The following ACTR1A variants were observed in gnomAD, a reference collection of about 807,000 sequenced individuals.
ACTR1A encodes alpha-centractin.
A neutral mutation model predicts 50.7 loss-of-function variants in ACTR1A; 10 were observed. The ratio of observed to expected loss-of-function variants is 0.20; its 90% CI spans 0.12 to 0.33. The LOEUF is 0.33. Among genes scored for constraint, ACTR1A ranks in the 10% least tolerant of loss-of-function variants. ACTR1A has a pLI of 1.00. For missense variants in ACTR1A, 253 were observed against 491.7 expected, an observed-to-expected ratio of 0.51 and a Z score of 4.59; for synonymous variants, 177 against 184.2, an observed-to-expected ratio of 0.96 and a Z score of 0.32.
At position 102,479,294 on chromosome 10, in the gene ACTR1A, G is replaced by A. The variant is rs1475151662; in HGVS notation, c.*1569C>T. ...CCCCACCAGGCAATGTGGTTTGTGC[G>A]AGGCTGTGCGAGGGACAGGCTTGGG... On this transcript the variant is annotated 3_prime_UTR_variant, in exon 11 of 11. Coordinates refer to ENST00000369905, the MANE Select transcript of ACTR1A (RefSeq NM_005736.4). This position sits in a 1 kb window ranked among gnomAD's most constrained non-coding sequence, Gnocchi z 4.0. 4.5e-6 allele frequency: 2 copies of A among 443,388 alleles called. No individual in the cohort carries two copies. The highest frequency in any genetic ancestry group is 8.1e-6 in the Non-Finnish European group (2 of 247,284). The allele number at this position is 443,388 out of a possible 1,614,324, so 27.5% of individuals were successfully genotyped here.
chr10:102,491,932 ATTTTT>A (rs558164702), intron 1 of ACTR1A, among the ~76,000 whole-genome samples: 1 of 134,536 alleles, frequency 7.4e-6, no homozygotes, highest in African/African-American at 2.8e-5. Context: ...TGCCTGGCTA[ATTTTT>A]TTTTTTTTTT....
At chr10:102,496,622 C>T (rs2062223763) in intron 1 of ACTR1A, among the ~76,000 whole-genome samples, 1 of 152,178 alleles carries the variant, frequency 6.6e-6, no homozygotes, top group Admixed American at 6.5e-5. Flanking sequence ...CTTGCTGAAG[C>T]TGTACAACCA....
intron 1 of ACTR1A, among the ~76,000 whole-genome samples, chr10:102,496,469 G>T (rs2062223274): frequency 6.6e-6 from 1 of 152,162 alleles, no homozygotes; most frequent in Non-Finnish European, 1.5e-5. Flanking sequence ...CTTCCACATG[G>T]TATCTGATTT....
At chr10:102,502,094 A>T (rs1033695947) in intron 1 of ACTR1A, among the ~76,000 whole-genome samples, 2 of 152,114 alleles carry the variant, frequency 1.3e-5, no homozygotes, top group Admixed American at 6.6e-5. Flanking sequence ...AGGCCCCACC[A>T]CCCAGAGTCC....
intron 4 of ACTR1A, among the ~76,000 whole-genome samples, chr10:102,486,542 A>G (rs1175509981): frequency 1.3e-5 from 2 of 152,060 alleles, no homozygotes; most frequent in East Asian, 3.9e-4. Flanking sequence ...ATACAAAATT[A>G]GCCGGGCTTG....
Position 102,480,422 on chromosome 10 carries a change from G to C in ACTR1A, c.*441C>G. The C allele has an allele frequency of 4.9e-6, 1 of 202,298 alleles. No individual in the cohort carries two copies. The highest frequency in any genetic ancestry group is 1.0e-5 in the Non-Finnish European group (1 of 97,528). 12.5% of individuals were successfully genotyped at this position (202,298 alleles called of 1,614,324 possible). ...CCTCAGTGTGCAGTCAGGAGGCATC[G>C]ATAGTGGAGGCAGCAGCTGCCTGGG... On this transcript the variant is annotated 3_prime_UTR_variant, in exon 11 of 11. Transcript: ENST00000369905.
chr10:102,479,833 T>C lies in ACTR1A; in HGVS notation c.*1030A>G. The C allele has an allele frequency of 2.4e-6, 1 of 412,934 alleles. No homozygotes were observed. Among genetic ancestry groups the C allele is most frequent in the South Asian group, 2.1e-5 (1 of 47,010 alleles). 25.6% of individuals were successfully genotyped at this position (412,934 alleles called of 1,614,324 possible). ...AAATTTTACCTCCTGTTTCAGAAAA[T>C]CTAACCAGCAACCAGCCTGTTGATT... On this transcript the variant is annotated 3_prime_UTR_variant, in exon 11 of 11. Coordinates refer to ENST00000369905, the MANE Select transcript of ACTR1A (RefSeq NM_005736.4). This position sits in a 1 kb window ranked among gnomAD's most constrained non-coding sequence, Gnocchi z 4.0.
intron 5 of ACTR1A, among the ~76,000 whole-genome samples, chr10:102,484,966 C>T (rs1051574228): frequency 6.6e-6 from 1 of 152,224 alleles, no homozygotes; most frequent in Non-Finnish European, 1.5e-5. Context: ...TCAGCTCCAG[C>T]TGATTTTTGC....
At chr10:102,501,502 GC>G (rs1483987236) in intron 1 of ACTR1A, among the ~76,000 whole-genome samples, 1 of 152,242 alleles carries the variant, frequency 6.6e-6, no homozygotes, top group African/African-American at 2.4e-5. Flanking sequence ...TGGGACCAAA[GC>G]TTTGAATCGA....
rs199502290 is a variant in ACTR1A at position 102,484,207 on chromosome 10, C to T, written c.610G>A (p.Asp204Asn). 2.4e-5 allele frequency: 39 copies of T among 1,614,202 alleles called. No homozygotes were observed. The highest frequency in any genetic ancestry group is 1.2e-4 in the Admixed American group (7 of 60,032). Residue 204 changes from aspartate to asparagine, a missense_variant, in exon 6 of 11, where the codon GAC becomes AAC. Coordinates refer to ENST00000369905, the MANE Select transcript of ACTR1A (RefSeq NM_005736.4). ...LRLYLRKEGY[D>N]FHSSSEFEIV... ...TCAAACTCAGAGGATGAGTGGAAGT[C>T]GTAGCCCTCCTTACGCAGGTAGAGG...
intron 1 of ACTR1A, 40 bp downstream of exon 1, chr10:102,502,560 G>A: frequency 6.2e-7 from 1 of 1,610,116 alleles, no homozygotes; most frequent in Non-Finnish European, 8.5e-7. Context: ...TCGAGGAGGA[G>A]AGCCCAAGTC....
At chr10:102,481,711 C>CTGTGTACAGTGTACAGGCTGTACACA in intron 9 of ACTR1A, 126 bp downstream of exon 9, 1 of 1,136,070 alleles carries the variant, frequency 8.8e-7, no homozygotes. Flanking sequence ...GGCTGGGAAC[C>CTGTGTACAGTGTACAGGCTGTACACA]TGGCGCTGCT....
Position 102,488,026 on chromosome 10 carries a change from G to T in ACTR1A, c.315+124C>A. On this transcript the variant is annotated intron_variant, in intron 4 of 10. Transcript: ENST00000369905. This position sits in a 1 kb window ranked among gnomAD's most constrained non-coding sequence, Gnocchi z 4.4. ...TGGTGTTAAGATTAAATCTGAATAT[G>T]CCTGAAAATCAAATGGCTCCAGCAC... 1 of 1,088,818 alleles carries T rather than the reference G, an allele frequency of 9.2e-7. No individual in the cohort carries two copies. Among genetic ancestry groups the T allele is most frequent in the Non-Finnish European group, 1.3e-6 (1 of 753,376 alleles). The allele number at this position is 1,088,818 out of a possible 1,614,324, so 67.4% of individuals were successfully genotyped here.
Position 102,482,473 on chromosome 10 carries a change from G to C in ACTR1A, c.751-298C>G, listed in dbSNP as rs1297366885. On this transcript the variant is annotated intron_variant, in intron 7 of 10. Transcript: ENST00000369905. The surrounding 1 kb of genome is among the most constrained non-coding windows in gnomAD (Gnocchi z 5.6). Reference sequence around the variant, plus strand: ...CGTCTTCCTAGCAATGGGGGTTCAAGGGAGTGGTAACTCACCCTACACTGC... The same window carrying C: ...CGTCTTCCTAGCAATGGGGGTTCAACGGAGTGGTAACTCACCCTACACTGC... 4.6e-6 allele frequency: 2 copies of C among 433,680 alleles called. No homozygotes were observed. The highest frequency in any genetic ancestry group is 8.4e-6 in the Non-Finnish European group (2 of 238,704). The allele number at this position is 433,680 out of a possible 1,614,324, so 26.9% of individuals were successfully genotyped here.
intron 1 of ACTR1A, among the ~76,000 whole-genome samples, chr10:102,499,797 A>C (rs2062238597): frequency 1.3e-5 from 2 of 152,256 alleles, no homozygotes; most frequent in Non-Finnish European, 2.9e-5. Flanking sequence ...TCTGAAAATC[A>C]ACATCAAGAA....
At position 102,490,451 on chromosome 10, in the gene ACTR1A, C is replaced by T. The variant is rs2062186702; in HGVS notation, c.113+98G>A. 9.9e-6 allele frequency: 9 copies of T among 904,590 alleles called. No homozygotes were observed. The South Asian group carries it at 1.3e-4, about 13-fold the overall frequency. 56.0% of individuals were successfully genotyped at this position (904,590 alleles called of 1,614,324 possible). A position where few individuals can be genotyped will look rare whatever the true frequency, so the allele number is the denominator to read the frequency against. On this transcript the variant is annotated intron_variant, in intron 2 of 10. Transcript: ENST00000369905. Reference sequence around the variant, plus strand: ...ATTGTACCATGTAGACAACTGTTTTCCTTTGTTGACTCCAAACTCGGCTCC... The same window carrying T: ...ATTGTACCATGTAGACAACTGTTTTTCTTTGTTGACTCCAAACTCGGCTCC...
rs766320850 is a variant in ACTR1A, at chr10:102,482,179, C to T, written c.751-4G>A. The T allele has an allele frequency of 5.6e-6, 9 of 1,611,032 alleles. No individual in the cohort carries two copies. The highest frequency in any genetic ancestry group is 1.7e-5 in the Admixed American group (1 of 59,992). The stretch of plus-strand genomic sequence containing the variant: ...CCCGGAATCGGGAAGGACCAATCTG[C>T]AGGTAGGAGGGCCAGCTGAAGAGGT... On this transcript the variant is annotated splice_polypyrimidine_tract_variant and splice_region_variant and intron_variant, in intron 7 of 10. Transcript: ENST00000369905. The surrounding 1 kb of genome is among the most constrained non-coding windows in gnomAD (Gnocchi z 5.6).
At position 102,485,661 on chromosome 10, in the gene ACTR1A, C is replaced by T; in HGVS notation, c.388G>A (p.Glu130Lys). Reference protein sequence around the residue: ...NRERAAEVFFETFNVPALFIS... With the variant: ...NRERAAEVFFKTFNVPALFIS... ...AAAAGAGCGGGCACATTGAAGGTCT[C>T]GAAGAAAACTTCGGCAGCTCGTTCC... is the stretch of plus-strand genomic sequence containing the variant. Residue 130 changes from glutamate to lysine, a missense_variant, in exon 5 of 11, where the codon GAG (glutamate) becomes AAG (lysine). Coordinates refer to ENST00000369905, the MANE Select transcript of ACTR1A (RefSeq NM_005736.4). The T allele has an allele frequency of 6.2e-7, 1 of 1,614,054 alleles. No homozygotes were observed. The highest frequency in any genetic ancestry group is 8.5e-7 in the Non-Finnish European group (1 of 1,180,010).
At chr10:102,491,264 A>C (rs918578114) in intron 1 of ACTR1A, among the ~76,000 whole-genome samples, 1 of 152,222 alleles carries the variant, frequency 6.6e-6, no homozygotes, top group Non-Finnish European at 1.5e-5. Context: ...CAAAGCAGCC[A>C]AGTTCAGGAA....
Sources: gnomAD v4.1 joint callset for allele counts (sites outside exome capture counted in the v4.1 genomes callset) on GRCh38, gnomAD v4.1.1 for gene constraint, Gnocchi (gnomAD v3.1) non-coding constraint, MANE v1.5 for transcripts, NCBI Gene and HGNC (gene_info 2026-07-23, HGNC 2026-07-21) for gene names.